The following SH3RF3 variants were observed in gnomAD, a reference collection of about 807,000 sequenced individuals.
SH3RF3 encodes the protein SH3 domain containing ring finger 3.
SH3RF3 carries 29 observed loss-of-function variants against 66.3 expected under a neutral mutation model. That is an observed-to-expected ratio of 0.44 (90% CI 0.33 to 0.60). SH3RF3 has a LOEUF of 0.60. Ranked by LOEUF, SH3RF3 falls within the 20% of genes least tolerant of loss-of-function variation. The probability of loss-of-function intolerance (pLI) is 0.04; values close to 1 mark genes in which losing one functional copy is unlikely to be tolerated. For missense variants in SH3RF3, 1,194 were observed against 1,190.9 expected (o/e 1.00, Z -0.04); for synonymous variants, 583 against 532.0 (o/e 1.10, Z -1.32).
At position 109,250,732 on chromosome 2, in the gene SH3RF3, A is replaced by G. The variant is rs1473790885; in HGVS notation, c.574-96942A>G. Reference sequence around the variant, plus strand: ...AAACTACCATAACTTGCCAAATTCAACTTCTATGTTTGTTATAATTTAGTA... The same window carrying G: ...AAACTACCATAACTTGCCAAATTCAGCTTCTATGTTTGTTATAATTTAGTA... On this transcript the variant is annotated intron_variant, in intron 1 of 9. Coordinates refer to ENST00000309415, the MANE Select transcript of SH3RF3 (RefSeq NM_001099289.3). 2.6e-5 allele frequency among the ~76,000 whole-genome samples: 4 copies of G among 151,976 alleles called. No individual in the cohort carries two copies. In the South Asian group the frequency reaches 6.2e-4, roughly 24 times the overall value.
chr2:109,262,265 C>T (rs1680375802), intron 1 of SH3RF3, among the ~76,000 whole-genome samples: 1 of 152,188 alleles, frequency 6.6e-6, no homozygotes, highest in Non-Finnish European at 1.5e-5. Context: ...GGAGAGAAAC[C>T]AGTTGTCTAA....
At chr2:109,500,468 C>T (rs937238199) in intron 9 of SH3RF3, among the ~76,000 whole-genome samples, 8 of 152,138 alleles carry the variant, frequency 5.3e-5, no homozygotes, top group African/African-American at 1.9e-4. Flanking sequence ...GTCTCTGATT[C>T]CACACTACAG....
intron 1 of SH3RF3, among the ~76,000 whole-genome samples, chr2:109,146,766 T>G (rs1393193220): frequency 6.7e-6 from 1 of 150,262 alleles, no homozygotes; most frequent in South Asian, 2.1e-4. Flanking sequence ...CTTCGAAAAC[T>G]TGCGGATCTC....
chr2:109,294,300 C>G (rs1255963535), intron 1 of SH3RF3, among the ~76,000 whole-genome samples: 1 of 152,060 alleles, frequency 6.6e-6, no homozygotes, highest in Non-Finnish European at 1.5e-5. Context: ...GGTGGTCATG[C>G]CTGTAATCCC....
chr2:109,203,336 C>T (rs957756034), intron 1 of SH3RF3, among the ~76,000 whole-genome samples: 34 of 152,220 alleles, frequency 2.2e-4, no homozygotes, highest in Admixed American at 1.0e-3. Context: ...GCAGATGCGG[C>T]GGAGCTTGCT....
At chr2:109,319,033 G>A (rs1038211426) in intron 1 of SH3RF3, among the ~76,000 whole-genome samples, 2 of 152,208 alleles carry the variant, frequency 1.3e-5, no homozygotes, top group Non-Finnish European at 2.9e-5. Flanking sequence ...GGAAAGGAGT[G>A]GCTCTCCATC....
chr2:109,154,675 CA>C (rs1677296343), intron 1 of SH3RF3, among the ~76,000 whole-genome samples: 1 of 152,118 alleles, frequency 6.6e-6, no homozygotes. Flanking sequence ...TAGTGCTGGC[CA>C]GGGTTTGGAC....
intron 1 of SH3RF3, among the ~76,000 whole-genome samples, chr2:109,267,055 A>G (rs893393753): frequency 1.3e-5 from 2 of 152,210 alleles, no homozygotes; most frequent in Non-Finnish European, 2.9e-5. Flanking sequence ...ATTGCTCAGT[A>G]CTGAGATACA....
intron 9 of SH3RF3, among the ~76,000 whole-genome samples, chr2:109,492,592 C>T (rs971388038): frequency 6.6e-6 from 1 of 151,900 alleles, no homozygotes; most frequent in Non-Finnish European, 1.5e-5. Context: ...TGAACCTTCC[C>T]ACGAACCCTA....
At chr2:109,314,646 T>G (rs1288843317) in intron 1 of SH3RF3, among the ~76,000 whole-genome samples, 2 of 152,266 alleles carry the variant, frequency 1.3e-5, no homozygotes, top group Non-Finnish European at 2.9e-5. Flanking sequence ...TTGTATAAAC[T>G]TGTAAATTAA....
At chr2:109,390,340 C>T (rs1207240583) in intron 3 of SH3RF3, among the ~76,000 whole-genome samples, 1 of 152,210 alleles carries the variant, frequency 6.6e-6, no homozygotes, top group Non-Finnish European at 1.5e-5. Flanking sequence ...TCCTTCTGCT[C>T]ACAGGACACC....
At chr2:109,287,243 A>T (rs1417106993) in intron 1 of SH3RF3, among the ~76,000 whole-genome samples, 2 of 152,182 alleles carry the variant, frequency 1.3e-5, no homozygotes, top group Admixed American at 6.5e-5. Flanking sequence ...GGGTCTAGCG[A>T]ATGGCCCCTT....
intron 2 of SH3RF3, among the ~76,000 whole-genome samples, chr2:109,358,457 T>A (rs79519629): frequency 0.02 from 2,972 of 152,312 alleles, 95 homozygotes; most frequent in African/African-American, 0.068. Flanking sequence ...CATGCCTAGT[T>A]TTGTAAGAAA....
At chr2:109,257,669 G>C (rs1364229484) in intron 1 of SH3RF3, among the ~76,000 whole-genome samples, 1 of 152,156 alleles carries the variant, frequency 6.6e-6, no homozygotes, top group Non-Finnish European at 1.5e-5. Flanking sequence ...TTGCGCTTCA[G>C]GGAAGCCACT....
chr2:109,456,322 G>A (rs1272606286), intron 8 of SH3RF3, among the ~76,000 whole-genome samples: 3 of 152,240 alleles, frequency 2.0e-5, no homozygotes, highest in Admixed American at 1.3e-4. Context: ...GCTGCCTTCC[G>A]AGGGATAAGG....
intron 1 of SH3RF3, among the ~76,000 whole-genome samples, chr2:109,294,608 T>C (rs1649098873): frequency 6.7e-6 from 1 of 149,314 alleles, no homozygotes. Context: ...AAAAAAGAAT[T>C]GCTGTGAGAG....
intron 1 of SH3RF3, among the ~76,000 whole-genome samples, chr2:109,162,822 T>C (rs1320329418): frequency 1.3e-5 from 2 of 152,262 alleles, no homozygotes; most frequent in Non-Finnish European, 2.9e-5. Flanking sequence ...GAATAATGTT[T>C]AGCCCCTTGG....
intron 1 of SH3RF3, chr2:109,251,788 G>T (rs530741555): frequency 1.9e-6 from 1 of 515,062 alleles, no homozygotes; most frequent in East Asian, 3.4e-5. Flanking sequence ...AAAAGAATTA[G>T]ATAATACTAA....
intron 4 of SH3RF3, among the ~76,000 whole-genome samples, chr2:109,408,097 G>T (rs1676494612): frequency 6.6e-6 from 1 of 152,174 alleles, no homozygotes; most frequent in African/African-American, 2.4e-5. Flanking sequence ...CTGGCTAGCA[G>T]CACAGAAGAG....
Sources: allele counts gnomAD v4.1 joint callset (sites outside exome capture counted in the v4.1 genomes callset), GRCh38; gene constraint gnomAD v4.1.1; transcripts MANE v1.5; gene names NCBI Gene and HGNC (gene_info 2026-07-23, HGNC 2026-07-21).